Variants in FAM13C observed in about 807,000 individuals in gnomAD.
FAM13C encodes the protein family with sequence similarity 13 member C, also known as protein FAM13C.
Under a neutral mutation model 73.2 loss-of-function variants are expected in FAM13C, and 37 were observed. That is an observed-to-expected ratio of 0.51 (90% CI 0.39 to 0.67). The LOEUF is 0.67. Ranked by LOEUF, FAM13C falls within the 30% of genes least tolerant of loss-of-function variation. The pLI, the probability that FAM13C is intolerant of heterozygous loss-of-function variation, is 0.00. For missense variants in FAM13C, 589 were observed against 715.6 expected (o/e 0.82, Z 2.02); for synonymous variants, 246 against 260.9 (o/e 0.94, Z 0.55).
rs1846291086 is a variant in FAM13C at position 59,291,916 on chromosome 10, G to GTTTTT, written c.508-8470_508-8469insAAAAA. Among the ~76,000 whole-genome samples the GTTTTT allele has an allele frequency of 2.0e-5, 3 of 150,636 alleles. No individual in the cohort carries two copies. The Admixed American group carries it at 2.0e-4, about 10-fold the overall frequency. On this transcript the variant is annotated intron_variant, in intron 5 of 13. Coordinates refer to ENST00000618804, the MANE Select transcript of FAM13C (RefSeq NM_198215.4). ...CCATTCTCCTGCCTCAGCCTCCTGA[G>GTTTTT]TAGCTGGGACTACAGGCGCCCACCA...
intron 13 of FAM13C, among the ~76,000 whole-genome samples, chr10:59,248,443 T>C (rs1840946512): frequency 6.6e-6 from 1 of 152,176 alleles, no homozygotes; most frequent in Admixed American, 6.5e-5. Context: ...AAGAATAACT[T>C]GGTAATATCA....
At chr10:59,256,558 C>G (rs1268481905) in intron 10 of FAM13C, among the ~76,000 whole-genome samples, 2 of 152,088 alleles carry the variant, frequency 1.3e-5, no homozygotes, top group Non-Finnish European at 2.9e-5. Flanking sequence ...TTAAAGCAAT[C>G]CCTGAGGAAA....
chr10:59,249,265 G>T (rs527567001), intron 13 of FAM13C, among the ~76,000 whole-genome samples: 1 of 151,874 alleles, frequency 6.6e-6, no homozygotes, highest in Non-Finnish European at 1.5e-5. Flanking sequence ...TTAGCCACGC[G>T]TGGTGGCGTA....
At chr10:59,352,914 G>A (rs986291045) in intron 2 of FAM13C, among the ~76,000 whole-genome samples, 2 of 152,120 alleles carry the variant, frequency 1.3e-5, no homozygotes, top group East Asian at 3.9e-4. Context: ...GCCTCATGTG[G>A]GTCTCCAGAC....
At chr10:59,299,789 C>T (rs543212180) in intron 5 of FAM13C, among the ~76,000 whole-genome samples, 1 of 152,004 alleles carries the variant, frequency 6.6e-6, no homozygotes, top group Non-Finnish European at 1.5e-5. Flanking sequence ...AAGATCCTAA[C>T]CCCCAAAATC....
chr10:59,292,216 G>C (rs1193592933), intron 5 of FAM13C, among the ~76,000 whole-genome samples: 1 of 152,188 alleles, frequency 6.6e-6, no homozygotes, highest in Non-Finnish European at 1.5e-5. Context: ...GGAGTTACTA[G>C]TACTTAAATT....
intron 4 of FAM13C, among the ~76,000 whole-genome samples, chr10:59,303,529 G>T (rs942983171): frequency 1.3e-5 from 2 of 152,192 alleles, no homozygotes; most frequent in African/African-American, 4.8e-5. Flanking sequence ...GTCTGCTGAA[G>T]ACAGCTTATG....
intron 6 of FAM13C, among the ~76,000 whole-genome samples, chr10:59,277,683 G>A (rs180873084): frequency 5.3e-5 from 8 of 152,286 alleles, no homozygotes; most frequent in Middle Eastern, 3.4e-3. Flanking sequence ...GACAAAGTCA[G>A]GGATGGATTT....
At chr10:59,317,032 A>C (rs1347594401) in intron 4 of FAM13C, among the ~76,000 whole-genome samples, 1 of 152,142 alleles carries the variant, frequency 6.6e-6, no homozygotes, top group African/African-American at 2.4e-5. Flanking sequence ...ATCTAATCCC[A>C]AAAATGTTTT....
rs867405421 is a variant in FAM13C at position 59,292,112 on chromosome 10, A to G, written c.508-8665T>C. 3.3e-5 allele frequency among the ~76,000 whole-genome samples: 5 copies of G among 152,106 alleles called. 1 individual carries two copies. In the South Asian group the frequency reaches 1.0e-3, roughly 32 times the overall value. On this transcript the variant is annotated intron_variant, in intron 5 of 13. Coordinates refer to ENST00000618804, the MANE Select transcript of FAM13C (RefSeq NM_198215.4). ...CTATAAACTCCCAATTTAAAGTAGAACTCTGAGCTTTTCTAGATAATAAGA... is the reference window on the plus strand; with the variant it reads ...CTATAAACTCCCAATTTAAAGTAGAGCTCTGAGCTTTTCTAGATAATAAGA...
chr10:59,335,798 T>C (rs991531843), intron 3 of FAM13C, among the ~76,000 whole-genome samples: 4 of 152,200 alleles, frequency 2.6e-5, no homozygotes, highest in Non-Finnish European at 2.9e-5. Context: ...AAAAGCTCCA[T>C]GAAGGCCACT....
chr10:59,260,424 C>A (rs1454775214), intron 10 of FAM13C, among the ~76,000 whole-genome samples: 2 of 152,162 alleles, frequency 1.3e-5, no homozygotes, highest in Non-Finnish European at 2.9e-5. Flanking sequence ...CCTGAGAATT[C>A]AAAGTGCACA....
rs73300166 is a variant in FAM13C at position 59,314,249 on chromosome 10, G to A, written c.443+9739C>T. Among the ~76,000 whole-genome samples, 817 of 152,274 alleles carry A rather than the reference G, an allele frequency of 5.4e-3. 7 individuals are homozygous for A. Among genetic ancestry groups the A allele is most frequent in the African/African-American group, 0.019 (780 of 41,562 alleles). ...GGAGCTAAGCAAAAACCTTCATGGAGGAAGGATCTCCTCTCTTATGGAATA... is the reference window on the plus strand; with the variant it reads ...GGAGCTAAGCAAAAACCTTCATGGAAGAAGGATCTCCTCTCTTATGGAATA... On this transcript the variant is annotated intron_variant, in intron 4 of 13. Transcript: ENST00000618804.
At position 59,319,120 on chromosome 10, in the gene FAM13C, T is replaced by C. The variant is rs868641059; in HGVS notation, c.443+4868A>G. Among the ~76,000 whole-genome samples, 355 of 104,868 alleles carry C rather than the reference T, an allele frequency of 3.4e-3. 2 individuals are homozygous for C. Among genetic ancestry groups the C allele is most frequent in the African/African-American group, 0.016 (347 of 22,302 alleles). 68.8% of individuals were successfully genotyped at this position (104,868 alleles called of 152,430 possible). On this transcript the variant is annotated intron_variant, in intron 4 of 13. Coordinates refer to ENST00000618804, the MANE Select transcript of FAM13C (RefSeq NM_198215.4). ...ACACACACACACACACACACACACA[T>C]TGTCTATCTCAAAAACAAAAGATGA...
At chr10:59,359,214 T>C (rs1856091826) in intron 1 of FAM13C, among the ~76,000 whole-genome samples, 1 of 152,308 alleles carries the variant, frequency 6.6e-6, no homozygotes, top group East Asian at 1.9e-4. Flanking sequence ...CTGGGCTAAG[T>C]TGTAAGTCAA....
At chr10:59,274,182 G>T (rs1005825460) in intron 6 of FAM13C, among the ~76,000 whole-genome samples, 10 of 151,680 alleles carry the variant, frequency 6.6e-5, no homozygotes, top group African/African-American at 2.4e-4. Context: ...ACACACAGAG[G>T]GCCAGAAAAA....
intron 4 of FAM13C, among the ~76,000 whole-genome samples, chr10:59,308,254 C>A (rs1259461756): frequency 6.6e-6 from 1 of 152,128 alleles, no homozygotes; most frequent in South Asian, 2.1e-4. Context: ...CTCCTCAGAG[C>A]CCAATTATGG....
intron 4 of FAM13C, among the ~76,000 whole-genome samples, chr10:59,318,476 G>C (rs1022446465): frequency 5.9e-4 from 90 of 152,132 alleles, no homozygotes; most frequent in African/African-American, 2.1e-3. Context: ...CTAGAGTGTT[G>C]AGCATTTTCA....
chr10:59,265,327 G>GA (rs1386249965), intron 8 of FAM13C, among the ~76,000 whole-genome samples: 1 of 45,032 alleles, frequency 2.2e-5, no homozygotes, highest in African/African-American at 1.0e-4. Context: ...TTTGGCGGGG[G>GA]GGGGGGGGAA....
Sources: gnomAD v4.1 joint callset for allele counts (sites outside exome capture counted in the v4.1 genomes callset) on GRCh38, gnomAD v4.1.1 for gene constraint, MANE v1.5 for transcripts, NCBI Gene and HGNC (gene_info 2026-07-23, HGNC 2026-07-21) for gene names.